The following INPP5B variants were observed in gnomAD, a reference collection of about 807,000 sequenced individuals.
The protein encoded by INPP5B is type II inositol 1,4,5-trisphosphate 5-phosphatase.
In INPP5B, 90 loss-of-function variants were observed where a neutral mutation model predicts 118.5. The observed-to-expected ratio is 0.76, with a 90% CI of 0.64 to 0.90. The LOEUF is 0.90. Ranked by LOEUF, INPP5B falls within the 40% of genes least tolerant of loss-of-function variation. INPP5B has a pLI of 0.00. For missense variants in INPP5B, 984 were observed against 1,125.6 expected (o/e 0.87, Z 1.80); for synonymous variants, 385 against 418.9 (o/e 0.92, Z 0.99).
In INPP5B at chr1:37,895,380, G is replaced by C. The variant is rs932391385; in HGVS notation, c.533-3926C>G. 2.0e-5 allele frequency among the ~76,000 whole-genome samples: 3 copies of C among 152,212 alleles called. No individual in the cohort carries two copies. The South Asian group carries it at 6.2e-4, about 32-fold the overall frequency. On this transcript the variant is annotated intron_variant, in intron 7 of 23. Transcript: ENST00000373024. ...ACCATGGCTTGTGCCTATAGTCCCA[G>C]CTATTCGGGAGGCTGAGGCAGGAGG... is the stretch of plus-strand genomic sequence containing the variant.
Position 37,882,915 on chromosome 1 carries a change from C to T in INPP5B, c.1323G>A (p.Val441=). 1.2e-6 allele frequency: 2 copies of T among 1,614,094 alleles called. No homozygotes were observed. The highest frequency in any genetic ancestry group is 2.2e-5 in the South Asian group (2 of 91,080). Residue 441 remains valine (V), a synonymous_variant, in exon 14 of 24, where the codon GTG becomes GTA. Coordinates refer to ENST00000373024, the MANE Select transcript of INPP5B (RefSeq NM_005540.3). Reference sequence around the variant, plus strand: ...AGTTGAGGTCCCCCAGCCACAAGATCACACTGTGAGGACAGAGCACAAAGG... The same window carrying T: ...AGTTGAGGTCCCCCAGCCACAAGATTACACTGTGAGGACAGAGCACAAAGG... ...LPPLTISNHD[V]ILWLGDLNYR...
intron 16 of INPP5B, among the ~76,000 whole-genome samples, 188 bp from the exon 17 acceptor site, chr1:37,875,904 G>A (rs1404994571): frequency 1.3e-5 from 2 of 152,196 alleles, no homozygotes; most frequent in African/African-American, 4.8e-5. Flanking sequence ...GGCAAAGCTT[G>A]TGGTACAGGC....
intron 7 of INPP5B, among the ~76,000 whole-genome samples, chr1:37,896,663 C>T (rs1241067289): frequency 1.5e-4 from 20 of 135,440 alleles, no homozygotes; most frequent in African/African-American, 2.4e-4. Context: ...TCTGCCCGGC[C>T]GCCCCTACTG....
At chr1:37,919,215 A>C (rs1448827749) in intron 7 of INPP5B, among the ~76,000 whole-genome samples, 1 of 152,178 alleles carries the variant, frequency 6.6e-6, no homozygotes, top group Non-Finnish European at 1.5e-5. Context: ...TGTACAGGAT[A>C]TGTGGGAGTG....
intron 11 of INPP5B, 99 bp downstream of exon 11, chr1:37,887,252 G>C (rs1453115874): frequency 1.2e-6 from 1 of 852,798 alleles, no homozygotes; most frequent in South Asian, 1.6e-5. Context: ...GGATAATTAA[G>C]ACTGGCTTAA....
At chr1:37,882,778 TG>T (rs778753592) in intron 14 of INPP5B, 28 bp downstream of exon 14, 4 of 1,540,996 alleles carry the variant, frequency 2.6e-6, no homozygotes, top group South Asian at 2.2e-5. Context: ...GGACAGCTGC[TG>T]GAAGAGGGCA....
At chr1:37,865,693 G>A (rs1641984611) in intron 22 of INPP5B, 68 bp downstream of exon 22, 1 of 1,564,022 alleles carries the variant, frequency 6.4e-7, no homozygotes, top group Non-Finnish European at 8.8e-7. Flanking sequence ...GAGGAACTGT[G>A]TCCACTCTGT....
intron 7 of INPP5B, among the ~76,000 whole-genome samples, chr1:37,926,987 A>C (rs955036605): frequency 6.6e-6 from 1 of 152,168 alleles, no homozygotes; most frequent in South Asian, 2.1e-4. Flanking sequence ...AGAAAAGAAA[A>C]AAGATGTTAA....
chr1:37,890,352 GA>G (rs1355516386), intron 8 of INPP5B, among the ~76,000 whole-genome samples: 8 of 149,846 alleles, frequency 5.3e-5, no homozygotes, highest in Non-Finnish European at 1.2e-4. Flanking sequence ...TGTCTCAAAA[GA>G]AAAAAAAAGA....
At chr1:37,883,796 C>T (rs1222381475) in intron 13 of INPP5B, 1 of 985,268 alleles carries the variant, frequency 1.0e-6, no homozygotes, top group East Asian at 1.1e-4. Context: ...AGTTCCACCT[C>T]GGCAGGCAGG....
intron 7 of INPP5B, among the ~76,000 whole-genome samples, chr1:37,923,607 A>AT (rs773067794): frequency 3.9e-5 from 6 of 152,128 alleles, no homozygotes; most frequent in Non-Finnish European, 5.9e-5. Context: ...ACCAACATGA[A>AT]TAAGGGGGAT....
chr1:37,944,256 G>A (rs72919787), intron 3 of INPP5B, among the ~76,000 whole-genome samples: 1,722 of 152,220 alleles, frequency 0.011, 39 homozygotes, highest in African/African-American at 0.04. Context: ...CTGGGGTGAT[G>A]GATCAGAAAA....
chr1:37,883,238 T>C (rs1199951350), intron 13 of INPP5B: 19 of 985,168 alleles, frequency 1.9e-5, no homozygotes, highest in Non-Finnish European at 2.3e-5. Context: ...GGAAAAAAAA[T>C]CAAGAATTGA....
At chr1:37,902,145 C>T (rs558554440) in intron 7 of INPP5B, among the ~76,000 whole-genome samples, 1 of 151,948 alleles carries the variant, frequency 6.6e-6, no homozygotes, top group Non-Finnish European at 1.5e-5. Context: ...CACCACCACG[C>T]CCAGCTAATT....
chr1:37,906,870 A>G (rs867433871), intron 7 of INPP5B, among the ~76,000 whole-genome samples: 2,735 of 151,742 alleles, frequency 0.018, 43 homozygotes, highest in African/African-American at 0.05. Context: ...AAAAAAAAAA[A>G]AAAGAAAGAA....
At chr1:37,878,037 A>G (rs1290313632) in intron 16 of INPP5B, 151 bp downstream of exon 16, 6 of 934,808 alleles carry the variant, frequency 6.4e-6, no homozygotes, top group Non-Finnish European at 9.4e-6. Context: ...ACAATTATTA[A>G]CCAAGTTGTT....
chr1:37,892,920 A>C (rs1367271822), intron 7 of INPP5B, among the ~76,000 whole-genome samples: 1 of 152,128 alleles, frequency 6.6e-6, no homozygotes, highest in African/African-American at 2.4e-5. Flanking sequence ...ACAGTGAAAA[A>C]AGACAGCTGC....
intron 7 of INPP5B, among the ~76,000 whole-genome samples, chr1:37,896,587 G>A (rs1359919488): frequency 6.9e-6 from 1 of 145,398 alleles, no homozygotes; most frequent in Non-Finnish European, 1.5e-5. Context: ...CGCTCCGTCC[G>A]GGAAGGAGGT....
At chr1:37,883,894 T>A in intron 13 of INPP5B, 1 of 966,502 alleles carries the variant, frequency 1.0e-6, no homozygotes, top group Non-Finnish European at 1.2e-6. Context: ...GCGTATGTTA[T>A]CATAAAGTCT....
Sources: gnomAD v4.1 joint callset for allele counts (sites outside exome capture counted in the v4.1 genomes callset) on GRCh38, gnomAD v4.1.1 for gene constraint, MANE v1.5 for transcripts, NCBI Gene and HGNC (gene_info 2026-07-23, HGNC 2026-07-21) for gene names.